Variants in GMPPA observed in about 807,000 individuals in gnomAD.
GMPPA encodes GDP-mannose pyrophosphorylase A.
In GMPPA, 46 loss-of-function variants were observed where a neutral mutation model predicts 58.6. The observed-to-expected ratio is 0.78, with a 90% CI of 0.62 to 1.00. The LOEUF (loss-of-function observed/expected upper bound fraction) is 1.00, where lower values mean the gene tolerates loss of function less well. GMPPA is among the 50% of genes least tolerant of loss of function. The pLI, the probability that GMPPA is intolerant of heterozygous loss-of-function variation, is 0.00. For missense variants in GMPPA, 468 were observed against 556.4 expected (o/e 0.84, Z 1.60); for synonymous variants, 211 against 214.9 (o/e 0.98, Z 0.16).
At position 219,506,007 on chromosome 2, in the gene GMPPA, G is replaced by T. The variant is rs541265208; in HGVS notation, c.928G>T (p.Gly310Trp). The change falls in exon 11 of 13, where the codon GGG (glycine) becomes TGG (tryptophan). Residue 310 changes from glycine (G) to tryptophan (W), a missense_variant. Gly to Trp is a radical substitution (Grantham distance 184). Coordinates refer to ENST00000313597, the MANE Select transcript of GMPPA (RefSeq NM_013335.4). ...VLGPNVSIGKGVTVGEGVRLR... is the reference protein window; with the variant it reads ...VLGPNVSIGKWVTVGEGVRLR... ...GGGCCCCAACGTCTCCATCGGGAAG[G>T]GGGTGACCGTGGGTGAGGGTGTGCG... 94 of 1,593,942 alleles carry T rather than the reference G, an allele frequency of 5.9e-5. 1 individual carries two copies. In the South Asian group the frequency reaches 8.4e-4, roughly 14 times the overall value.
At chr2:219,503,819 G>A (rs1694480951) in intron 6 of GMPPA, among the ~76,000 whole-genome samples, 1 of 152,228 alleles carries the variant, frequency 6.6e-6, no homozygotes, top group South Asian at 2.1e-4. Context: ...CAGTCGGGTG[G>A]AAATGCGTCT....
intron 7 of GMPPA, chr2:219,504,573 C>T (rs1312493673): frequency 3.6e-6 from 1 of 281,410 alleles, no homozygotes; most frequent in South Asian, 5.1e-5. Context: ...CATGCATACT[C>T]TCAGGCTGAG....
chr2:219,505,177 C>T, intron 7 of GMPPA, 51 bp from the exon 8 acceptor site: 2 of 1,587,868 alleles, frequency 1.3e-6, no homozygotes, highest in East Asian at 4.5e-5. Flanking sequence ...GTTAGCCCCA[C>T]AGTCGGGGCT....
In GMPPA at chr2:219,504,321, C is replaced by G. The variant is rs556667748; in HGVS notation, c.620+108C>G. 8.6e-5 allele frequency: 87 copies of G among 1,015,324 alleles called. 2 individuals are homozygous for G. The South Asian group carries it at 1.3e-3, about 15-fold the overall frequency. The allele number at this position is 1,015,324 out of a possible 1,614,324, so 62.9% of individuals were successfully genotyped here. A position where few individuals can be genotyped will look rare whatever the true frequency, so the allele number is the denominator to read the frequency against. On this transcript the variant is annotated intron_variant, in intron 7 of 12. Coordinates refer to ENST00000313597, the MANE Select transcript of GMPPA (RefSeq NM_013335.4). Reference sequence around the variant, plus strand: ...TCAACTTGCTCACCTTCCTCCTCCCCTCTCCCTTCTCCACTTGCCATCTCC... The same window carrying G: ...TCAACTTGCTCACCTTCCTCCTCCCGTCTCCCTTCTCCACTTGCCATCTCC...
In GMPPA at chr2:219,505,219, C is replaced by G; in HGVS notation, c.621-9C>G. On this transcript the variant is annotated splice_polypyrimidine_tract_variant and intron_variant, in intron 7 of 12. Coordinates refer to ENST00000313597, the MANE Select transcript of GMPPA (RefSeq NM_013335.4). ...GGGGACTAATGTCAGCATTCTTCCT[C>G]TCTGCCAGGGAGGACTCACCAGGCT... 1 of 1,612,368 alleles carries G rather than the reference C, an allele frequency of 6.2e-7. No individual in the cohort carries two copies. The highest frequency in any genetic ancestry group is 8.5e-7 in the Non-Finnish European group (1 of 1,178,568).
chr2:219,501,769 A>G, intron 4 of GMPPA, 82 bp from the exon 5 acceptor site: 3 of 1,254,662 alleles, frequency 2.4e-6, no homozygotes, highest in Non-Finnish European at 3.5e-6. Context: ...TCCTGGGAGC[A>G]AGCGGTGGCG....
Position 219,502,000 on chromosome 2 carries a change from G to A in GMPPA, c.392G>A (p.Arg131Gln), listed in dbSNP as rs568022094. 1.7e-5 allele frequency: 27 copies of A among 1,614,198 alleles called. No homozygotes were observed. The highest frequency in any genetic ancestry group is 1.2e-4 in the South Asian group (11 of 91,086). Reference protein sequence around the residue: ...FPLSAMLEAHRRQRHPFLLLG... With the variant: ...FPLSAMLEAHQRQRHPFLLLG... ...TTGAGTGCTATGTTGGAAGCCCACC[G>A]ACGCCAGCGTCACCCTTTCTTACTC... Residue 131 changes from arginine (R) to glutamine (Q), a missense_variant, in exon 5 of 13, where the codon CGA becomes CAA. Transcript: ENST00000313597.
Position 219,504,106 on chromosome 2 carries a change from C to G in GMPPA, c.513C>G (p.Pro171=). 2 of 1,614,092 alleles carry G rather than the reference C, an allele frequency of 1.2e-6. No homozygotes were observed. The highest frequency in any genetic ancestry group is 1.7e-6 in the Non-Finnish European group (2 of 1,179,974). Residue 171 remains proline (P), a synonymous_variant, in exon 7 of 13, where the codon CCC becomes CCG. Transcript: ENST00000313597. Reference sequence around the variant, plus strand: ...AGGTATTGCACTATGTGGAGAAACCCAGCACATTTATCAGTGACATCATCA... The same window carrying G: ...AGGTATTGCACTATGTGGAGAAACCGAGCACATTTATCAGTGACATCATCA... ...THEVLHYVEK[P]STFISDIINC...
In GMPPA at chr2:219,502,737, G is replaced by A. The variant is rs1038873926; in HGVS notation, c.489+296G>A. Among the ~76,000 whole-genome samples the A allele has an allele frequency of 6.6e-6, 1 of 152,094 alleles. No individual in the cohort carries two copies. The highest frequency in any genetic ancestry group is 1.5e-5 in the Non-Finnish European group (1 of 68,000). ...GTGGGAGTAGAGAGGGCTTCCTGGA[G>A]GAAGCAAGGTCTGAGCAGAGTCCCA... is the stretch of plus-strand genomic sequence containing the variant. On this transcript the variant is annotated intron_variant, in intron 6 of 12. Transcript: ENST00000313597. The surrounding 1 kb of genome is among the most constrained non-coding windows in gnomAD (Gnocchi z 4.0).
chr2:219,502,251 T>C lies in GMPPA; in HGVS notation c.430-131T>C. ...GGGAGGGGGAGGGCAGCTGTCAGTTTCCACCCTTGCTGAAGGCCTGTCAGT... is the reference window on the plus strand; with the variant it reads ...GGGAGGGGGAGGGCAGCTGTCAGTTCCCACCCTTGCTGAAGGCCTGTCAGT... On this transcript the variant is annotated intron_variant, in intron 5 of 12. Coordinates refer to ENST00000313597, the MANE Select transcript of GMPPA (RefSeq NM_013335.4). This position sits in a 1 kb window ranked among gnomAD's most constrained non-coding sequence, Gnocchi z 4.0. The C allele has an allele frequency of 1.1e-6, 1 of 914,808 alleles. No homozygotes were observed. Among genetic ancestry groups the C allele is most frequent in the Non-Finnish European group, 1.7e-6 (1 of 572,462 alleles). The allele number at this position is 914,808 out of a possible 1,614,324, so 56.7% of individuals were successfully genotyped here.
rs1215356333 is a variant in GMPPA, at chr2:219,505,827, T to C, written c.900+66T>C. The C allele has an allele frequency of 3.0e-6, 4 of 1,339,926 alleles. No homozygotes were observed. In the Admixed American group the frequency reaches 7.4e-5, roughly 25 times the overall value. The allele number at this position is 1,339,926 out of a possible 1,614,324, so 83.0% of individuals were successfully genotyped here. A position where few individuals can be genotyped will look rare whatever the true frequency, so the allele number is the denominator to read the frequency against. ...TCGGATGGATGGAGGGTGCCCACGC[T>C]GCCTGAGTTCTGGGTGCCGGTTTCT... On this transcript the variant is annotated intron_variant, in intron 10 of 12. Transcript: ENST00000313597.
At chr2:219,504,907 A>C in intron 7 of GMPPA, 1 of 1,128,704 alleles carries the variant, frequency 8.9e-7, no homozygotes. Flanking sequence ...AATGAGGGGG[A>C]GGGTAACTTG....
Position 219,506,251 on chromosome 2 carries a change from C to T in GMPPA, c.994-3C>T, listed in dbSNP as rs372940957. 1 of 1,602,610 alleles carries T rather than the reference C, an allele frequency of 6.2e-7. No homozygotes were observed. The highest frequency in any genetic ancestry group is 1.1e-5 in the South Asian group (1 of 90,124). On this transcript the variant is annotated splice_polypyrimidine_tract_variant and splice_region_variant and intron_variant, in intron 11 of 12. Coordinates refer to ENST00000313597, the MANE Select transcript of GMPPA (RefSeq NM_013335.4). ...CCTTACCTTTCACTGTCCTCTTTGG[C>T]AGGAGCACACGTGTGTTCTGCATAG...
At position 219,504,414 on chromosome 2, in the gene GMPPA, C is replaced by G. The variant is rs1694504040; in HGVS notation, c.620+201C>G. On this transcript the variant is annotated intron_variant, in intron 7 of 12. Transcript: ENST00000313597. ...CCCTCTTCCTTATCCATCCCAGTTC[C>G]TCCTCTGTCACTGCCTGCCCACTCC... 12 of 593,566 alleles carry G rather than the reference C, an allele frequency of 2.0e-5. No individual in the cohort carries two copies. In the South Asian group the frequency reaches 2.6e-4, roughly 13 times the overall value. The allele number at this position is 593,566 out of a possible 1,614,324, so 36.8% of individuals were successfully genotyped here. A position where few individuals can be genotyped will look rare whatever the true frequency, so the allele number is the denominator to read the frequency against.
At chr2:219,506,543 C>T in intron 12 of GMPPA, 121 bp downstream of exon 12, 1 of 1,122,188 alleles carries the variant, frequency 8.9e-7, no homozygotes, top group Non-Finnish European at 1.3e-6. Flanking sequence ...TTACCAAGGG[C>T]CTGCTGTGTG....
Position 219,506,415 on chromosome 2 carries a change from C to G in GMPPA, c.1155C>G (p.Thr385=). Residue 385 remains threonine, a synonymous_variant, in exon 12 of 13, where the codon ACC becomes ACG. Transcript: ENST00000313597. ...ACGGGAAGCTGCTGCCTGCTATCAC[C>G]ATCCTGGGTATGGCTTCCTGGGGGC... ...FKDGKLLPAI[T]ILGCRVRIPA... is the part of the protein sequence containing the mutation. The G allele has an allele frequency of 6.2e-7, 1 of 1,611,760 alleles. No individual in the cohort carries two copies. The highest frequency in any genetic ancestry group is 8.5e-7 in the Non-Finnish European group (1 of 1,179,196).
At position 219,506,226 on chromosome 2, in the gene GMPPA, C is replaced by T. The variant is rs1423698800; in HGVS notation, c.994-28C>T. 8.8e-6 allele frequency: 14 copies of T among 1,588,086 alleles called. 1 individual carries two copies. In the Admixed American group the frequency reaches 1.2e-4, roughly 14 times the overall value. ...GTTCCTGCTGCCTCCTGCCTCTTCC[C>T]CTTACCTTTCACTGTCCTCTTTGGC... On this transcript the variant is annotated intron_variant, in intron 11 of 12. Coordinates refer to ENST00000313597, the MANE Select transcript of GMPPA (RefSeq NM_013335.4).
chr2:219,503,715 A>T (rs958410261), intron 6 of GMPPA, among the ~76,000 whole-genome samples: 3 of 152,186 alleles, frequency 2.0e-5, no homozygotes, highest in Non-Finnish European at 4.4e-5. Context: ...CCAGCAAGAG[A>T]GGACGCACAG....
At chr2:219,500,306 A>G in intron 3 of GMPPA, 88 bp downstream of exon 3, 1 of 767,202 alleles carries the variant, frequency 1.3e-6, no homozygotes, top group Non-Finnish European at 2.3e-6. Flanking sequence ...TCTTCCCACC[A>G]GGCATAACTC....
Sources: allele counts gnomAD v4.1 joint callset (sites outside exome capture counted in the v4.1 genomes callset), GRCh38; gene constraint gnomAD v4.1.1; non-coding constraint Gnocchi (gnomAD v3.1); transcripts MANE v1.5; gene names NCBI Gene and HGNC (gene_info 2026-07-23, HGNC 2026-07-21).